The following TLN1 variants were observed in gnomAD, a reference collection of about 807,000 sequenced individuals.
TLN1 encodes talin 1.
Under a neutral mutation model 292.3 loss-of-function variants are expected in TLN1, and 56 were observed. The ratio of observed to expected loss-of-function variants is 0.19; its 90% confidence interval spans 0.15 to 0.24. The LOEUF is 0.24. Ranked by LOEUF, TLN1 falls within the 10% of genes least tolerant of loss-of-function variation. The probability of loss-of-function intolerance (pLI) is 1.00; values close to 1 mark genes in which losing one functional copy is unlikely to be tolerated. For missense variants in TLN1, 2,433 were observed against 3,248.2 expected (o/e 0.75, Z 6.10); for synonymous variants, 1,119 against 1,253.7 (o/e 0.89, Z 2.27).
At position 35,712,139 on chromosome 9, in the gene TLN1, G is replaced by A. The variant is rs779747521; in HGVS notation, c.3562-15C>T. 1.2e-6 allele frequency: 2 copies of A among 1,609,270 alleles called. No homozygotes were observed. The highest frequency in any genetic ancestry group is 1.3e-5 in the African/African-American group (1 of 74,642). ...GCTTTAGCCACCTGGGGTGAGAAAG[G>A]AGACAGGGTTGCCCAAGTGAAAAGA... On this transcript the variant is annotated splice_polypyrimidine_tract_variant and intron_variant, in intron 27 of 56. Transcript: ENST00000314888.
Position 35,704,011 on chromosome 9 carries a change from C to T in TLN1, c.6211G>A (p.Ala2071Thr), listed in dbSNP as rs1825515251. 6.2e-7 allele frequency: 1 copy of T among 1,612,920 alleles called. No homozygotes were observed. Among genetic ancestry groups the T allele is most frequent in the Non-Finnish European group, 8.5e-7 (1 of 1,179,286 alleles). ...VVKLGAASLGAEDPETQVVLI... is the reference protein window; with the variant it reads ...VVKLGAASLGTEDPETQVVLI... ...ACTACCTGGGTCTCAGGGTCCTCAG[C>T]TCCCAGGCTGGCTGCACCCAGCTTG... The change falls in exon 46 of 57, where the codon GCT (alanine) becomes ACT (threonine). Residue 2071 changes from alanine (A) to threonine (T), a missense_variant. This residue lies in a region of TLN1 where 1,384 missense variants were observed against 1,699.6 expected (regional missense o/e 0.81). Coordinates refer to ENST00000314888, the MANE Select transcript of TLN1 (RefSeq NM_006289.4). This position sits in a 1 kb window ranked among gnomAD's most constrained non-coding sequence, Gnocchi z 6.9.
Position 35,707,151 on chromosome 9 carries a change from C to T in TLN1, c.4876G>A (p.Asp1626Asn), listed in dbSNP as rs1368602865. 5.0e-6 allele frequency: 8 copies of T among 1,610,392 alleles called. No individual in the cohort carries two copies. The highest frequency in any genetic ancestry group is 6.8e-6 in the Non-Finnish European group (8 of 1,179,012). Residue 1626 changes from aspartate to asparagine, a missense_variant, in exon 37 of 57, where the codon GAC becomes AAC. Around this residue, in one of 7 missense-constraint regions of TLN1, gnomAD observed 1,384 missense variants for 1,699.6 expected, o/e 0.81. Transcript: ENST00000314888. This position sits in a 1 kb window ranked among gnomAD's most constrained non-coding sequence, Gnocchi z 5.6. ...GCCAGCACCGACCAGCTCGGGGGGT[C>T]CCGGGGATTGACTGCGAGGGCCCGG... ...TARALAVNPR[D>N]PPSWSVLAGH...
In TLN1 at chr9:35,723,721, G is replaced by A. The variant is rs1825918156; in HGVS notation, c.782+231C>T. The stretch of plus-strand genomic sequence containing the variant: ...AGATAATCTCAAAAAAGAGTGACAT[G>A]CTTGCTTCAGAGATGGGGGTAGGGG... On this transcript the variant is annotated intron_variant, in intron 7 of 56. Transcript: ENST00000314888. The A allele has an allele frequency of 1.8e-6, 1 of 543,440 alleles. No individual in the cohort carries two copies. Among genetic ancestry groups the A allele is most frequent in the Non-Finnish European group, 3.1e-6 (1 of 322,332 alleles). 33.7% of individuals were successfully genotyped at this position (543,440 alleles called of 1,614,324 possible).
chr9:35,710,980 T>G lies in TLN1; in HGVS notation c.4113+9A>C. On this transcript the variant is annotated intron_variant, in intron 31 of 56. Coordinates refer to ENST00000314888, the MANE Select transcript of TLN1 (RefSeq NM_006289.4). ...CAACCTCAATGCCATCAGCCTGCCA[T>G]GTGTCTACCTCCAATTCCCGCAGGG... 2 of 1,614,138 alleles carry G rather than the reference T, an allele frequency of 1.2e-6. No homozygotes were observed. Among genetic ancestry groups the G allele is most frequent in the Non-Finnish European group, 1.7e-6 (2 of 1,180,010 alleles).
Position 35,706,876 on chromosome 9 carries a change from C to T in TLN1, c.4980G>A (p.Glu1660=), listed in dbSNP as rs771425499. The T allele has an allele frequency of 1.2e-6, 2 of 1,614,072 alleles. No homozygotes were observed. Among genetic ancestry groups the T allele is most frequent in the Non-Finnish European group, 1.7e-6 (2 of 1,180,026 alleles). Residue 1660 remains glutamate (E), a synonymous_variant, in exon 38 of 57, where the codon GAG becomes GAA. Coordinates refer to ENST00000314888, the MANE Select transcript of TLN1 (RefSeq NM_006289.4). The surrounding 1 kb of genome is among the most constrained non-coding windows in gnomAD (Gnocchi z 4.2). Reference sequence around the variant, plus strand: ...TCAGAGCTGCAATGGCCGTTTCACACTCCAGCTGCCCTGGAGCCTTGTCCC... The same window carrying T: ...TCAGAGCTGCAATGGCCGTTTCACATTCCAGCTGCCCTGGAGCCTTGTCCC... ...SMRDKAPGQL[E]CETAIAALNS...
In TLN1 at chr9:35,717,909, A is replaced by T; in HGVS notation, c.1996-123T>A. 1 of 1,192,460 alleles carries T rather than the reference A, an allele frequency of 8.4e-7. No individual in the cohort carries two copies. Among genetic ancestry groups the T allele is most frequent in the Non-Finnish European group, 1.2e-6 (1 of 863,236 alleles). 73.9% of individuals were successfully genotyped at this position (1,192,460 alleles called of 1,614,324 possible). A position where few individuals can be genotyped will look rare whatever the true frequency, so the allele number is the denominator to read the frequency against. On this transcript the variant is annotated intron_variant, in intron 17 of 56. Transcript: ENST00000314888. The surrounding 1 kb of genome is among the most constrained non-coding windows in gnomAD (Gnocchi z 4.7). ...ATCAAAGGAGAGTGTACGCAGAAGC[A>T]ACCAGAACCTACCCCGAGCTACTGC... is the stretch of plus-strand genomic sequence containing the variant.
At chr9:35,709,759 C>A (rs535317988) in intron 33 of TLN1, among the ~76,000 whole-genome samples, 1 of 149,938 alleles carries the variant, frequency 6.7e-6, no homozygotes, top group East Asian at 2.0e-4. Context: ...TGGTGGCGCG[C>A]GCCTGTAGTC....
At chr9:35,722,945 G>T (rs774241637) in intron 7 of TLN1, 24 bp from the exon 8 acceptor site, 1 of 1,612,076 alleles carries the variant, frequency 6.2e-7, no homozygotes, top group South Asian at 1.1e-5. Flanking sequence ...GGGAGGGTCA[G>T]CATGTGGTAG....
At chr9:35,721,873 T>C in intron 9 of TLN1, 70 bp from the exon 10 acceptor site, 1 of 1,578,854 alleles carries the variant, frequency 6.3e-7, no homozygotes, top group East Asian at 2.3e-5. Flanking sequence ...TCAGATCAGC[T>C]TGCAGCCATA....
intron 48 of TLN1, among the ~76,000 whole-genome samples, chr9:35,703,053 C>T (rs1267179634): frequency 6.6e-6 from 1 of 152,040 alleles, no homozygotes; most frequent in East Asian, 1.9e-4. Flanking sequence ...GTAATCCCAG[C>T]ACTTTGGGAG....
chr9:35,708,428 T>C lies in TLN1; in HGVS notation c.4383A>G (p.Leu1461=), dbSNP rs35461988. The C allele has an allele frequency of 0.03, 47,543 of 1,609,326 alleles. 929 individuals are homozygous for C. The highest frequency in any genetic ancestry group is 0.033 in the Non-Finnish European group (39,331 of 1,177,260). ...DPNSQAGQQG[L]VEPTQFARAN... ...CACGGGCAAACTGTGTGGGCTCCAC[T>C]AGCCCTTGCTGTCCAGCTTGGCTAT... Residue 1461 remains leucine (L), a synonymous_variant, in exon 34 of 57, where the codon CTA becomes CTG. Coordinates refer to ENST00000314888, the MANE Select transcript of TLN1 (RefSeq NM_006289.4).
In TLN1 at chr9:35,714,123, T is replaced by C. The variant is rs1825733734; in HGVS notation, c.3121-42A>G. ...GTTTTGGGTGTAGAAGGTCCTGCTG[T>C]GTCTCACCAATGCCTCTGATTACAC... On this transcript the variant is annotated intron_variant, in intron 24 of 56. Transcript: ENST00000314888. This position sits in a 1 kb window ranked among gnomAD's most constrained non-coding sequence, Gnocchi z 4.6. 6.2e-7 allele frequency: 1 copy of C among 1,609,510 alleles called. No homozygotes were observed. Among genetic ancestry groups the C allele is most frequent in the East Asian group, 2.2e-5 (1 of 44,790 alleles).
chr9:35,721,320 C>T (rs892504577), intron 10 of TLN1, among the ~76,000 whole-genome samples: 1 of 152,080 alleles, frequency 6.6e-6, no homozygotes, highest in Non-Finnish European at 1.5e-5. Flanking sequence ...AATTCATAAC[C>T]CTATAATATA....
intron 10 of TLN1, 127 bp downstream of exon 10, chr9:35,721,521 T>C: frequency 1.0e-6 from 1 of 991,048 alleles, no homozygotes; most frequent in African/African-American, 1.6e-5. Context: ...ATTCTCCATC[T>C]ACTCTAACCT....
rs1825860827 is a variant in TLN1, at chr9:35,720,418, C to T, written c.1283+15G>A. 1 of 1,613,682 alleles carries T rather than the reference C, an allele frequency of 6.2e-7. No individual in the cohort carries two copies. Among genetic ancestry groups the T allele is most frequent in the Non-Finnish European group, 8.5e-7 (1 of 1,179,792 alleles). ...CTACCCCTGGGAAATGGGATCAGCC[C>T]AACTCCCTTCGTACTTTTTGGGGGA... On this transcript the variant is annotated intron_variant, in intron 12 of 56. Coordinates refer to ENST00000314888, the MANE Select transcript of TLN1 (RefSeq NM_006289.4).
chr9:35,702,349 A>C (rs1170058093), intron 48 of TLN1, among the ~76,000 whole-genome samples: 2 of 152,224 alleles, frequency 1.3e-5, no homozygotes, highest in Admixed American at 1.3e-4. Context: ...TAAACTTGCC[A>C]AAGAAGAGAA....
At position 35,725,279 on chromosome 9, in the gene TLN1, T is replaced by C. The variant is rs1825953438; in HGVS notation, c.173A>G (p.Lys58Arg). 1 of 1,614,114 alleles carries C rather than the reference T, an allele frequency of 6.2e-7. No homozygotes were observed. The change falls in exon 3 of 57, where the codon AAG (lysine) becomes AGG (arginine). Residue 58 changes from lysine (K) to arginine (R), a missense_variant. Lys to Arg is a conservative substitution (Grantham distance 26). This residue lies in a region of TLN1 where 155 missense variants were observed against 287.9 expected (regional missense o/e 0.54). Transcript: ENST00000314888. ...TTTCCCAGCCTCCAGCCATATACCC[T>C]TTTTGGGGTCATCATCTGACAGAAA... ...GLFLSDDDPK[K>R]GIWLEAGKAL... is the part of the protein sequence containing the mutation.
Position 35,714,025 on chromosome 9 carries a change from A to G in TLN1, c.3177T>C (p.Asn1059=). The change falls in exon 25 of 57, where the codon AAT becomes AAC. Residue 1059 remains asparagine (N), a synonymous_variant. Coordinates refer to ENST00000314888, the MANE Select transcript of TLN1 (RefSeq NM_006289.4). The surrounding 1 kb of genome is among the most constrained non-coding windows in gnomAD (Gnocchi z 4.6). ...EMDSALSVVQ[N]LEKDLQEVKA... Reference sequence around the variant, plus strand: ...TCACTTCCTGTAGATCTTTCTCTAGATTCTGTACCACACTCAGTGCAGAAT... The same window carrying G: ...TCACTTCCTGTAGATCTTTCTCTAGGTTCTGTACCACACTCAGTGCAGAAT... The G allele has an allele frequency of 1.9e-6, 3 of 1,614,178 alleles. No individual in the cohort carries two copies. The highest frequency in any genetic ancestry group is 2.5e-6 in the Non-Finnish European group (3 of 1,180,034).
At chr9:35,723,037 G>C in intron 7 of TLN1, 116 bp from the exon 8 acceptor site, 1 of 808,168 alleles carries the variant, frequency 1.2e-6, no homozygotes, top group Non-Finnish European at 2.0e-6. Flanking sequence ...TCTTTGGGGA[G>C]AAAAAAGACT....
Sources: allele counts gnomAD v4.1 joint callset (sites outside exome capture counted in the v4.1 genomes callset), GRCh38; gene constraint gnomAD v4.1.1; regional missense constraint gnomAD v4.1.1; non-coding constraint Gnocchi (gnomAD v3.1); transcripts MANE v1.5; gene names NCBI Gene and HGNC (gene_info 2026-07-23, HGNC 2026-07-21).